BORCS5: variants seen among roughly 807,000 people sequenced by gnomAD.
BORCS5 encodes the protein BLOC-1 related complex subunit 5.
A neutral mutation model predicts 22.1 loss-of-function variants in BORCS5; 17 were observed. The ratio of observed to expected loss-of-function variants is 0.77; its 90% CI spans 0.53 to 1.15. The LOEUF (loss-of-function observed/expected upper bound fraction) is 1.15, where lower values mean the gene tolerates loss of function less well. BORCS5 is among the 50% of genes most tolerant of loss of function. BORCS5 has a pLI of 0.00. For synonymous variants in BORCS5, 117 were observed against 99.8 expected, an observed-to-expected ratio of 1.17 and a Z score of -1.03; for missense variants, 247 against 253.2, an observed-to-expected ratio of 0.98 and a Z score of 0.17.
chr12:12,372,782 C>G (rs1344087638), intron 2 of BORCS5, among the ~76,000 whole-genome samples: 1 of 152,144 alleles, frequency 6.6e-6, no homozygotes, highest in African/African-American at 2.4e-5. Context: ...TACTGCTTCT[C>G]TCTAGTTTTC....
chr12:12,364,133 T>C (rs537022499), intron 2 of BORCS5, among the ~76,000 whole-genome samples: 1 of 152,282 alleles, frequency 6.6e-6, no homozygotes, highest in Non-Finnish European at 1.5e-5. Context: ...CCTAGTACTT[T>C]GGGAGGCCGA....
At chr12:12,428,602 C>T (rs946079451) in intron 2 of BORCS5, among the ~76,000 whole-genome samples, 2 of 152,192 alleles carry the variant, frequency 1.3e-5, no homozygotes, top group African/African-American at 4.8e-5. Context: ...GGCAATGGCC[C>T]TGTTGCTTAA....
At chr12:12,358,018 T>C (rs528463774) in intron 1 of BORCS5, among the ~76,000 whole-genome samples, 1 of 152,344 alleles carries the variant, frequency 6.6e-6, no homozygotes, top group African/African-American at 2.4e-5. Context: ...TCTAATCTTG[T>C]AGAGGTTGGC....
intron 2 of BORCS5, among the ~76,000 whole-genome samples, chr12:12,410,683 T>C (rs1941709880): frequency 6.6e-6 from 1 of 152,186 alleles, no homozygotes; most frequent in Admixed American, 6.5e-5. Context: ...TTTGTTCTTT[T>C]GGCTTAGGAT....
intron 2 of BORCS5, among the ~76,000 whole-genome samples, chr12:12,364,772 G>T (rs977444949): frequency 6.6e-6 from 1 of 152,216 alleles, no homozygotes; most frequent in Non-Finnish European, 1.5e-5. Context: ...TTTGAGACTA[G>T]CCTGGCCAAC....
chr12:12,453,228 T>A (rs1452134419), intron 3 of BORCS5, among the ~76,000 whole-genome samples: 3 of 152,216 alleles, frequency 2.0e-5, no homozygotes, highest in African/African-American at 4.8e-5. Flanking sequence ...TTTTATTTTT[T>A]AAAAAATGAA....
At chr12:12,394,144 G>A (rs1024426498) in intron 2 of BORCS5, among the ~76,000 whole-genome samples, 1 of 151,810 alleles carries the variant, frequency 6.6e-6, no homozygotes, top group East Asian at 1.9e-4. Flanking sequence ...TGGCCAACAT[G>A]GTGAAACCCT....
In BORCS5 at chr12:12,448,642, C is replaced by T. The variant is rs557552214; in HGVS notation, c.360+12857C>T. Among the ~76,000 whole-genome samples, 4 of 151,920 alleles carry T rather than the reference C, an allele frequency of 2.6e-5. No individual in the cohort carries two copies. The South Asian group carries it at 8.3e-4, about 32-fold the overall frequency. ...CTTCTGGTTTCAAGCGATTCTCCTG[C>T]CTCAGCCTCCCGAGTAGCTGGGATT... On this transcript the variant is annotated intron_variant, in intron 3 of 3. Transcript: ENST00000314565.
intron 2 of BORCS5, among the ~76,000 whole-genome samples, chr12:12,430,317 AT>A: frequency 6.6e-6 from 1 of 151,636 alleles, no homozygotes; most frequent in East Asian, 1.9e-4. Context: ...CGCCTGGCTA[AT>A]TTTTTTATAT....
At chr12:12,391,116 T>C (rs534441909) in intron 2 of BORCS5, among the ~76,000 whole-genome samples, 1 of 152,166 alleles carries the variant, frequency 6.6e-6, no homozygotes, top group South Asian at 2.1e-4. Flanking sequence ...GTCAGTCTTG[T>C]TTTGTCACAC....
At position 12,468,726 on chromosome 12, in the gene BORCS5, C is replaced by G. The variant is rs1252887422; in HGVS notation, c.*2950C>G. On this transcript the variant is annotated 3_prime_UTR_variant, in exon 4 of 4. Transcript: ENST00000314565. ...GTTCATTGGCTGCTTCTTTCTAGAG[C>G]CTGTTTTGCTTATCTTGCAATCTGT... 3.3e-5 allele frequency: 5 copies of G among 152,216 alleles called. No homozygotes were observed. Among genetic ancestry groups the G allele is most frequent in the South Asian group, 2.1e-4 (1 of 4,812 alleles). The allele number at this position is 152,216 out of a possible 1,614,324, so 9.4% of individuals were successfully genotyped here.
At chr12:12,449,269 C>G (rs1942857351) in intron 3 of BORCS5, among the ~76,000 whole-genome samples, 1 of 152,132 alleles carries the variant, frequency 6.6e-6, no homozygotes, top group Admixed American at 6.5e-5. Context: ...TTCCAGGAGG[C>G]AAAAGATCTC....
intron 3 of BORCS5, among the ~76,000 whole-genome samples, chr12:12,459,379 C>T (rs112492117): frequency 0.066 from 9,957 of 151,266 alleles, 477 homozygotes; most frequent in East Asian, 0.2. Flanking sequence ...GGCATAATCT[C>T]GGCTCACTGC....
rs1943276597 is a variant in BORCS5, at chr12:12,470,479, T to G, written c.*4703T>G. Among the ~76,000 whole-genome samples the G allele has an allele frequency of 6.6e-6, 1 of 152,126 alleles. No homozygotes were observed. Among genetic ancestry groups the G allele is most frequent in the South Asian group, 2.1e-4 (1 of 4,828 alleles). ...TCCCCTAAGAGCGTGAACCCTATTGTGAACTGCGCACGTGAAGGATCTAGG... is the reference window on the plus strand; with the variant it reads ...TCCCCTAAGAGCGTGAACCCTATTGGGAACTGCGCACGTGAAGGATCTAGG... On this transcript the variant is annotated 3_prime_UTR_variant, in exon 4 of 4. Coordinates refer to ENST00000314565, the MANE Select transcript of BORCS5 (RefSeq NM_058169.6).
chr12:12,431,767 C>G (rs755778967), intron 2 of BORCS5, among the ~76,000 whole-genome samples: 1 of 150,034 alleles, frequency 6.7e-6, no homozygotes, highest in Non-Finnish European at 1.5e-5. Context: ...GATCTTGGCT[C>G]ACTTCAGCCT....
At chr12:12,365,482 A>G (rs796702492) in intron 2 of BORCS5, among the ~76,000 whole-genome samples, 1 of 151,656 alleles carries the variant, frequency 6.6e-6, no homozygotes, top group East Asian at 1.9e-4. Context: ...GCCCGGCCCG[A>G]GTTTCAAAAA....
chr12:12,387,484 A>G (rs1328325169), intron 2 of BORCS5, among the ~76,000 whole-genome samples: 1 of 151,488 alleles, frequency 6.6e-6, no homozygotes, highest in Non-Finnish European at 1.5e-5. Flanking sequence ...TATTCTGATC[A>G]TGAAAGTAAC....
intron 1 of BORCS5, among the ~76,000 whole-genome samples, chr12:12,360,804 T>A (rs1309162820): frequency 2.6e-5 from 4 of 151,858 alleles, no homozygotes; most frequent in Non-Finnish European, 5.9e-5. Context: ...CACCGCAACC[T>A]CCGCCTCTCG....
At chr12:12,418,247 C>G (rs932504042) in intron 2 of BORCS5, among the ~76,000 whole-genome samples, 1 of 149,454 alleles carries the variant, frequency 6.7e-6, no homozygotes, top group South Asian at 2.1e-4. Flanking sequence ...CACTGTGTTG[C>G]CAGGATGGTC....
Sources: allele counts gnomAD v4.1 joint callset (sites outside exome capture counted in the v4.1 genomes callset), GRCh38; gene constraint gnomAD v4.1.1; transcripts MANE v1.5; gene names NCBI Gene and HGNC (gene_info 2026-07-23, HGNC 2026-07-21).